ACTR3C: variants seen among roughly 807,000 people sequenced by gnomAD.
ACTR3C encodes actin related protein 3C.
Under a neutral mutation model 26.3 loss-of-function variants are expected in ACTR3C, and 18 were observed. The ratio of observed to expected loss-of-function variants is 0.68; its 90% CI spans 0.47 to 1.01. The LOEUF is 1.01. ACTR3C is among the 50% of genes least tolerant of loss of function. The pLI is 0.00. For synonymous variants in ACTR3C, 55 were observed against 94.5 expected (o/e 0.58, Z 2.42); for missense variants, 184 against 250.7 (o/e 0.73, Z 1.80).
At chr7:150,194,258 A>C in the ACTR3C span, among the ~76,000 whole-genome samples, 7 of 141,008 alleles carry the variant, frequency 5.0e-5, no homozygotes, top group East Asian at 2.0e-4. Flanking sequence ...ATAGAAAAGT[A>C]TTTTCTTTTA....
the ACTR3C span, among the ~76,000 whole-genome samples, chr7:150,038,867 G>A: frequency 2.9e-4 from 35 of 122,304 alleles, 1 homozygote; most frequent in Admixed American, 4.1e-4. Flanking sequence ...CTGGCTCTCA[G>A]TCCCTGCCTC....
At chr7:150,288,363 C>T in intron 4 of ACTR3C, among the ~76,000 whole-genome samples, 1 of 147,504 alleles carries the variant, frequency 6.8e-6, no homozygotes. Context: ...CTCAGACTCA[C>T]TGGAGTGGAC....
At chr7:150,068,800 A>G in the ACTR3C span, among the ~76,000 whole-genome samples, 8 of 146,030 alleles carry the variant, frequency 5.5e-5, no homozygotes, top group Non-Finnish European at 1.2e-4. Context: ...AAAAAAAAAA[A>G]AACCAAAAAA....
At chr7:149,929,681 C>A in the ACTR3C span, among the ~76,000 whole-genome samples, 11 of 152,016 alleles carry the variant, frequency 7.2e-5, no homozygotes, top group African/African-American at 2.4e-4. Context: ...CAGGCACGCA[C>A]CACCACACCC....
the ACTR3C span, among the ~76,000 whole-genome samples, chr7:150,143,773 C>T: frequency 6.6e-6 from 1 of 152,244 alleles, no homozygotes; most frequent in Non-Finnish European, 1.5e-5. Flanking sequence ...AGCGGCCAGA[C>T]CCACCTGCAA....
chr7:150,304,132 G>C (rs1007390243), intron 1 of ACTR3C, among the ~76,000 whole-genome samples: 11 of 152,212 alleles, frequency 7.2e-5, no homozygotes, highest in African/African-American at 2.7e-4. Flanking sequence ...AAGCTGGAAA[G>C]TACGTGCAGG....
chr7:150,006,970 T>C, the ACTR3C span, among the ~76,000 whole-genome samples: 4 of 152,156 alleles, frequency 2.6e-5, no homozygotes, highest in African/African-American at 9.7e-5. Context: ...ACACAGAACC[T>C]GAACCTTTGT....
the ACTR3C span, among the ~76,000 whole-genome samples, chr7:150,136,931 C>T: frequency 9.9e-5 from 15 of 152,114 alleles, no homozygotes; most frequent in South Asian, 1.7e-3. Flanking sequence ...GGGATGGCTT[C>T]GGGATGAAAC....
chr7:150,190,446 T>G, the ACTR3C span, among the ~76,000 whole-genome samples: 1 of 152,246 alleles, frequency 6.6e-6, no homozygotes, highest in African/African-American at 2.4e-5. Context: ...TGTATCTAAG[T>G]CTCAATGTCA....
chr7:150,048,337 C>A, the ACTR3C span, among the ~76,000 whole-genome samples: 1 of 152,130 alleles, frequency 6.6e-6, no homozygotes, highest in Non-Finnish European at 1.5e-5. Context: ...CCTCCGCCCC[C>A]TTCCCCACCG....
chr7:150,064,798 G>A, the ACTR3C span, among the ~76,000 whole-genome samples: 8 of 151,572 alleles, frequency 5.3e-5, no homozygotes, highest in South Asian at 8.4e-4. Context: ...AGTACTTTAC[G>A]TTTGCCAAGG....
chr7:150,005,796 C>G, the ACTR3C span, among the ~76,000 whole-genome samples: 7 of 152,234 alleles, frequency 4.6e-5, no homozygotes, highest in African/African-American at 1.7e-4. Context: ...ACATAACTAA[C>G]ACAGCAGGCT....
the ACTR3C span, chr7:150,073,921 A>G: frequency 6.6e-6 from 1 of 152,200 alleles, no homozygotes; most frequent in Non-Finnish European, 1.5e-5. Context: ...GATGTCCTTG[A>G]TGGGGGACTG....
the ACTR3C span, among the ~76,000 whole-genome samples, chr7:150,006,929 T>C: frequency 6.6e-6 from 1 of 152,182 alleles, no homozygotes; most frequent in Admixed American, 6.5e-5. Flanking sequence ...ATTTAAATGT[T>C]TCAAGCCAAT....
the ACTR3C span, among the ~76,000 whole-genome samples, chr7:149,956,204 A>C: frequency 9.8e-5 from 15 of 152,330 alleles, no homozygotes; most frequent in African/African-American, 2.4e-4. Context: ...TGTTAGGTAT[A>C]TAATTCAGGT....
the ACTR3C span, chr7:150,040,506 TG>T: frequency 6.7e-6 from 1 of 148,684 alleles, no homozygotes; most frequent in Non-Finnish European, 1.5e-5. Flanking sequence ...CTGCAATGTT[TG>T]GGATCCACAG....
At chr7:150,180,511 C>CTTT in the ACTR3C span, among the ~76,000 whole-genome samples, 322 of 125,732 alleles carry the variant, frequency 2.6e-3, 8 homozygotes, top group African/African-American at 0.01. Flanking sequence ...AGTAGTATAT[C>CTTT]TTTTTTTTTT....
the ACTR3C span, among the ~76,000 whole-genome samples, chr7:149,912,377 C>T: frequency 1.3e-5 from 2 of 151,988 alleles, no homozygotes; most frequent in Non-Finnish European, 2.9e-5. Flanking sequence ...TAAGTCACAA[C>T]ATTCTTTTAG....
chr7:150,142,867 C>T, the ACTR3C span, among the ~76,000 whole-genome samples: 11 of 150,984 alleles, frequency 7.3e-5, no homozygotes, highest in Non-Finnish European at 1.5e-5. Flanking sequence ...CGGACTCTCC[C>T]TCTGTTGCCC....
Sources: allele counts gnomAD v4.1 joint callset (sites outside exome capture counted in the v4.1 genomes callset), GRCh38; gene constraint gnomAD v4.1.1; transcripts MANE v1.5; gene names NCBI Gene and HGNC (gene_info 2026-07-23, HGNC 2026-07-21).